HYAL4: variants seen among roughly 807,000 people sequenced by gnomAD.
The protein encoded by HYAL4 is hyaluronidase 4, also known as hyaluronidase-4.
HYAL4 carries 37 observed loss-of-function variants against 35.2 expected under a neutral mutation model. The observed-to-expected ratio is 1.05, with a 90% CI of 0.81 to 1.38. The LOEUF (loss-of-function observed/expected upper bound fraction) is 1.38, where lower values mean the gene tolerates loss of function less well. HYAL4 is among the 40% of genes most tolerant of loss of function. HYAL4 has a pLI of 0.00. For missense variants in HYAL4, 572 were observed against 572.4 expected, an observed-to-expected ratio of 1.00 and a Z score of 0.01; for synonymous variants, 198 against 203.2, an observed-to-expected ratio of 0.97 and a Z score of 0.22.
chr7:123,844,123 A>G (rs1428249874), upstream of HYAL4: 1 of 151,984 alleles, frequency 6.6e-6, no homozygotes, highest in Non-Finnish European at 1.5e-5. Context: ...GTTTCTCCCC[A>G]TCTTTGTGGT....
chr7:123,802,763 A>G, the HYAL4 span, among the ~76,000 whole-genome samples: 1 of 152,364 alleles, frequency 6.6e-6, no homozygotes, highest in East Asian at 1.9e-4. Context: ...TCATCTGCTT[A>G]TAAAAATAAG....
chr7:123,795,991 A>G, the HYAL4 span, among the ~76,000 whole-genome samples: 3 of 152,214 alleles, frequency 2.0e-5, no homozygotes, highest in Non-Finnish European at 4.4e-5. Flanking sequence ...TTCGTTTAAG[A>G]GTATAGGGTG....
chr7:123,842,694 A>G (rs1038489903), upstream of HYAL4, among the ~76,000 whole-genome samples: 1 of 152,004 alleles, frequency 6.6e-6, no homozygotes, highest in Non-Finnish European at 1.5e-5. Context: ...TATTGGATGC[A>G]TATATATTTA....
At chr7:123,807,477 C>G in the HYAL4 span, among the ~76,000 whole-genome samples, 22 of 144,968 alleles carry the variant, frequency 1.5e-4, no homozygotes, top group Non-Finnish European at 3.2e-4. Context: ...CTCTGTCACC[C>G]AGGCTGGAGG....
At chr7:123,770,374 G>C in the HYAL4 span, among the ~76,000 whole-genome samples, 2 of 151,556 alleles carry the variant, frequency 1.3e-5, no homozygotes, top group Admixed American at 1.3e-4. Flanking sequence ...CCCGGGAGGC[G>C]GAGCTTGCAG....
intron 2 of HYAL4, among the ~76,000 whole-genome samples, chr7:123,864,653 G>T (rs1806646633): frequency 6.6e-6 from 1 of 151,966 alleles, no homozygotes; most frequent in Non-Finnish European, 1.5e-5. Flanking sequence ...GTGAGGGAAA[G>T]AGGTCTAGGG....
the HYAL4 span, among the ~76,000 whole-genome samples, chr7:123,782,456 G>C: frequency 2.6e-5 from 4 of 151,850 alleles, no homozygotes; most frequent in Admixed American, 1.3e-4. Flanking sequence ...AATAGCAGAC[G>C]GGTATTGACA....
upstream of HYAL4, among the ~76,000 whole-genome samples, chr7:123,843,646 C>T (rs1261152929): frequency 1.3e-5 from 2 of 151,970 alleles, no homozygotes; most frequent in Non-Finnish European, 1.5e-5. Context: ...ATCAAACATA[C>T]ATTTGGTCTT....
At chr7:123,876,094 C>G in intron 4 of HYAL4, 1 of 455,970 alleles carries the variant, frequency 2.2e-6, no homozygotes. Flanking sequence ...TGGGTGCACA[C>G]AGGTGGCCTC....
At chr7:123,766,614 T>C in the HYAL4 span, among the ~76,000 whole-genome samples, 1 of 152,170 alleles carries the variant, frequency 6.6e-6, no homozygotes, top group Non-Finnish European at 1.5e-5. Flanking sequence ...AAATTTCCTT[T>C]TATATTGATG....
chr7:123,876,255 G>GT (rs1357636069), intron 4 of HYAL4, among the ~76,000 whole-genome samples: 2 of 152,218 alleles, frequency 1.3e-5, no homozygotes, highest in African/African-American at 4.8e-5. Flanking sequence ...TGGTAGAATG[G>GT]TGGCATAAGA....
At chr7:123,855,226 T>C (rs967653529) in intron 2 of HYAL4, among the ~76,000 whole-genome samples, 3 of 152,206 alleles carry the variant, frequency 2.0e-5, no homozygotes, top group Admixed American at 2.0e-4. Flanking sequence ...TTTTTATGTG[T>C]GAATTTGATC....
At chr7:123,852,995 G>C (rs1052878506) in intron 2 of HYAL4, among the ~76,000 whole-genome samples, 1 of 152,072 alleles carries the variant, frequency 6.6e-6, no homozygotes, top group Admixed American at 6.6e-5. Context: ...TCTCTTTGTA[G>C]CAATTGTGAA....
At chr7:123,869,846 C>CCA (rs1554421444) in intron 3 of HYAL4, among the ~76,000 whole-genome samples, 1 of 148,890 alleles carries the variant, frequency 6.7e-6, no homozygotes, top group South Asian at 2.2e-4. Flanking sequence ...CACCCCCCCC[C>CCA]ACCCAGCTAA....
intron 1 of HYAL4, among the ~76,000 whole-genome samples, chr7:123,836,668 T>C (rs1315429555): frequency 6.6e-6 from 1 of 152,152 alleles, no homozygotes; most frequent in Non-Finnish European, 1.5e-5. Context: ...CTTTTTGTTT[T>C]ATAGGTCCTG....
the HYAL4 span, among the ~76,000 whole-genome samples, chr7:123,804,622 A>G: frequency 6.6e-6 from 1 of 151,926 alleles, no homozygotes; most frequent in Admixed American, 6.6e-5. Flanking sequence ...AGTTCCCATC[A>G]CATATATTCC....
the HYAL4 span, among the ~76,000 whole-genome samples, chr7:123,816,931 G>A: frequency 2.0e-5 from 3 of 152,218 alleles, no homozygotes; most frequent in South Asian, 6.2e-4. Flanking sequence ...TAGGTTTAAG[G>A]AATGTGATAT....
chr7:123,801,921 A>AG, the HYAL4 span, among the ~76,000 whole-genome samples: 1 of 152,206 alleles, frequency 6.6e-6, no homozygotes, highest in Non-Finnish European at 1.5e-5. Flanking sequence ...GACAGGTGTG[A>AG]GGGCAGTGCA....
intron 2 of HYAL4, among the ~76,000 whole-genome samples, chr7:123,852,136 T>C (rs1302041341): frequency 6.6e-6 from 1 of 152,244 alleles, no homozygotes; most frequent in East Asian, 1.9e-4. Flanking sequence ...TTCTGGATAT[T>C]AACCTTTTGT....
Sources: allele counts gnomAD v4.1 joint callset (sites outside exome capture counted in the v4.1 genomes callset), GRCh38; gene constraint gnomAD v4.1.1; transcripts MANE v1.5; gene names NCBI Gene and HGNC (gene_info 2026-07-23, HGNC 2026-07-21).